Variants in ADH6 observed in about 807,000 individuals in gnomAD.
The protein encoded by ADH6 is alcohol dehydrogenase 6.
Under a neutral mutation model 36.5 loss-of-function variants are expected in ADH6, and 34 were observed. That is an observed-to-expected ratio of 0.93 (90% CI 0.71 to 1.24). The LOEUF (loss-of-function observed/expected upper bound fraction) is 1.24, where lower values mean the gene tolerates loss of function less well. ADH6 is among the 50% of genes most tolerant of loss of function. The pLI is 0.00. For missense variants in ADH6, 440 were observed against 447.0 expected, an observed-to-expected ratio of 0.98 and a Z score of 0.14; for synonymous variants, 161 against 155.5, an observed-to-expected ratio of 1.04 and a Z score of -0.26.
chr4:99,214,944 A>G (rs1468157026), intron 2 of ADH6, among the ~76,000 whole-genome samples: 2 of 152,146 alleles, frequency 1.3e-5, no homozygotes, highest in Non-Finnish European at 2.9e-5. Context: ...TTCTCTGCAG[A>G]TTGGCTTTCT....
chr4:99,207,318 T>G (rs1400351175), intron 7 of ADH6, 128 bp downstream of exon 7: 1 of 1,261,832 alleles, frequency 7.9e-7, no homozygotes, highest in East Asian at 2.3e-5. Flanking sequence ...GGTATTCATA[T>G]GTTGAAAAAA....
chr4:99,218,747 C>T (rs910457890), intron 1 of ADH6, among the ~76,000 whole-genome samples: 26 of 152,238 alleles, frequency 1.7e-4, no homozygotes, highest in Admixed American at 7.2e-4. Context: ...ATTTCCCCTT[C>T]GGTATCACCT....
intron 2 of ADH6, 26 bp downstream of exon 2, chr4:99,216,135 A>ATTTTTTTTTAT (rs1731409290): frequency 1.3e-6 from 1 of 780,234 alleles, no homozygotes; most frequent in Non-Finnish European, 1.7e-6. Context: ...TTTTGGTGTG[A>ATTTTTTTTTAT]TTTTTTTTTT....
Position 99,210,508 on chromosome 4 carries a change from AG to A in ADH6, c.263-7del. On this transcript the variant is annotated splice_region_variant and splice_polypyrimidine_tract_variant and intron_variant, in intron 3 of 8. Coordinates refer to ENST00000394899, the MANE Select transcript of ADH6 (RefSeq NM_001102470.2). ...GAGTGTGATAACTTTGTCACCTAAAAGAGCAAAATCATGTCTTATTAACATA... is the reference window on the plus strand; with the variant it reads ...GAGTGTGATAACTTTGTCACCTAAAAAGCAAAATCATGTCTTATTAACATA... 6.3e-7 allele frequency: 1 copy of A among 1,593,766 alleles called. No individual in the cohort carries two copies. The highest frequency in any genetic ancestry group is 2.2e-5 in the East Asian group (1 of 44,758).
chr4:99,204,931 C>T lies in ADH6; in HGVS notation c.1097G>A (p.Gly366Glu). ...INEAVELMKT[G>E]KCIRCILLL is the part of the protein sequence containing the mutation. ...ATTTATGTGGGCAGTTTACCATTTT[C>T]CAGTTTTCATTAATTCAACTGCTTC... Residue 366 changes from glycine to glutamate, a missense_variant, in exon 8 of 9, where the codon GGA becomes GAA. By Grantham distance (98) the Gly-to-Glu change is moderately conservative (BLOSUM62 -2). Transcript: ENST00000394899. 4 of 1,605,982 alleles carry T rather than the reference C, an allele frequency of 2.5e-6. No individual in the cohort carries two copies. The highest frequency in any genetic ancestry group is 2.5e-6 in the Non-Finnish European group (3 of 1,176,602).
At chr4:99,206,083 T>C (rs1273297970) in intron 7 of ADH6, among the ~76,000 whole-genome samples, 2 of 152,156 alleles carry the variant, frequency 1.3e-5, no homozygotes, top group East Asian at 1.9e-4. Context: ...TTTACATCTA[T>C]GTCAACCCTC....
intron 5 of ADH6, among the ~76,000 whole-genome samples, chr4:99,209,213 G>C (rs2110546847): frequency 6.6e-6 from 1 of 152,160 alleles, no homozygotes; most frequent in Non-Finnish European, 1.5e-5. Flanking sequence ...TGAATATTAA[G>C]ACTTACTTGA....
Position 99,204,065 on chromosome 4 carries a change from G to T in ADH6, c.*154C>A. On this transcript the variant is annotated 3_prime_UTR_variant, in exon 9 of 9. Transcript: ENST00000394899. ...AGAACAATTTTGATGAAATGGTTAG[G>T]TCAGAAGCCAGATATAGGTCCACTG... is the stretch of plus-strand genomic sequence containing the variant. 1 of 866,806 alleles carries T rather than the reference G, an allele frequency of 1.2e-6. No homozygotes were observed. The highest frequency in any genetic ancestry group is 1.7e-6 in the Non-Finnish European group (1 of 593,426). 53.7% of individuals were successfully genotyped at this position (866,806 alleles called of 1,614,324 possible).
At chr4:99,207,117 T>G (rs1459732194) in intron 7 of ADH6, among the ~76,000 whole-genome samples, 2 of 152,164 alleles carry the variant, frequency 1.3e-5, no homozygotes, top group Non-Finnish European at 2.9e-5. Context: ...GAATCCCAGC[T>G]GGCAGGTGTA....
rs28720145 is a variant in ADH6 at position 99,213,274 on chromosome 4, ATTAT to A, written c.262+328_262+331del. Among the ~76,000 whole-genome samples the A allele has an allele frequency of 7.4e-3, 1,123 of 152,186 alleles. 12 individuals carry two copies. The highest frequency in any genetic ancestry group is 0.026 in the African/African-American group (1,076 of 41,530). ...TTATTTGGTTCCACTAATGTGTTTG[ATTAT>A]TTATCATATGCCTCATTTAAATAAT... On this transcript the variant is annotated intron_variant, in intron 3 of 8. Transcript: ENST00000394899.
At chr4:99,217,246 C>T (rs1055141324) in intron 1 of ADH6, among the ~76,000 whole-genome samples, 2 of 152,110 alleles carry the variant, frequency 1.3e-5, no homozygotes, top group East Asian at 1.9e-4. Flanking sequence ...CTGTGTTAGC[C>T]AGGATGTTCT....
rs1355012575 is a variant in ADH6 at position 99,210,485 on chromosome 4, G to A, written c.280C>T (p.Leu94Phe). 1.9e-6 allele frequency: 3 copies of A among 1,611,184 alleles called. No homozygotes were observed. The highest frequency in any genetic ancestry group is 1.3e-5 in the African/African-American group (1 of 74,954). ...CATTCTCCACACTGTGGCAGAAAGA[G>A]TGTGATAACTTTGTCACCTAAAAGA... ...TVKPGDKVIT[L>F]FLPQCGECTS... Residue 94 changes from leucine (L) to phenylalanine (F), a missense_variant, in exon 4 of 9, where the codon CTC becomes TTC. Physicochemically the swap from Leu to Phe is conservative, Grantham distance 22. Coordinates refer to ENST00000394899, the MANE Select transcript of ADH6 (RefSeq NM_001102470.2).
intron 1 of ADH6, 51 bp downstream of exon 1, chr4:99,219,083 CA>C: frequency 6.4e-7 from 1 of 1,573,580 alleles, no homozygotes; most frequent in Non-Finnish European, 8.7e-7. Flanking sequence ...AAGAGATGAG[CA>C]CACAAACTGA....
intron 3 of ADH6, among the ~76,000 whole-genome samples, chr4:99,212,855 G>A (rs111359953): frequency 3.3e-5 from 5 of 151,224 alleles, no homozygotes; most frequent in African/African-American, 1.2e-4. Context: ...GTCATACTGG[G>A]TTTTGACTTT....
chr4:99,204,992 G>A lies in ADH6; in HGVS notation c.1036C>T (p.Leu346=). The A allele has an allele frequency of 1.9e-6, 3 of 1,609,918 alleles. No homozygotes were observed. Among genetic ancestry groups the A allele is most frequent in the Non-Finnish European group, 2.5e-6 (3 of 1,178,084 alleles). ...TCAAGATTCAGAGTATGAGTAATTA[G>A]TGGATCTAGATTCAACTTCTCTGCC... ...YMAEKLNLDP[L]ITHTLNLDKI... The change falls in exon 8 of 9, where the codon CTA becomes TTA. Residue 346 remains leucine, a synonymous_variant. Transcript: ENST00000394899.
In ADH6 at chr4:99,210,087, C is replaced by T; in HGVS notation, c.562G>A (p.Ala188Thr). 6.2e-7 allele frequency: 1 copy of T among 1,613,376 alleles called. No homozygotes were observed. ...STGFGAAINT[A>T]KVTPGSTCAV... is the part of the protein sequence containing the mutation. ...TGGGTATAAATGCCCCTCACCTTGGCAGTATTGATTGCAGCACCAAACCCA... is the reference window on the plus strand; with the variant it reads ...TGGGTATAAATGCCCCTCACCTTGGTAGTATTGATTGCAGCACCAAACCCA... Residue 188 changes from alanine to threonine, a missense_variant, in exon 5 of 9, where the codon GCC becomes ACC. Transcript: ENST00000394899.
At chr4:99,214,909 T>C (rs1389719337) in intron 2 of ADH6, among the ~76,000 whole-genome samples, 2 of 152,202 alleles carry the variant, frequency 1.3e-5, no homozygotes, top group Non-Finnish European at 2.9e-5. Flanking sequence ...TGATTCAATA[T>C]GGGCATAGTT....
chr4:99,212,153 A>ATATATAT, intron 3 of ADH6, among the ~76,000 whole-genome samples: 1 of 152,288 alleles, frequency 6.6e-6, no homozygotes, highest in East Asian at 1.9e-4. Context: ...AAGTTTCTAG[A>ATATATAT]ATTGAAACTG....
chr4:99,203,919 T>C lies in ADH6; in HGVS notation c.*300A>G. The stretch of plus-strand genomic sequence containing the variant: ...TAAAGGTCCACAGGTAGAGGAACTA[T>C]GAAAATGGGAGCATCTTGCATTGAC... On this transcript the variant is annotated 3_prime_UTR_variant, in exon 9 of 9. Coordinates refer to ENST00000394899, the MANE Select transcript of ADH6 (RefSeq NM_001102470.2). 2.9e-6 allele frequency: 1 copy of C among 339,230 alleles called. No individual in the cohort carries two copies. 21.0% of individuals were successfully genotyped at this position (339,230 alleles called of 1,614,324 possible).
Sources: gnomAD v4.1 joint callset for allele counts (sites outside exome capture counted in the v4.1 genomes callset) on GRCh38, gnomAD v4.1.1 for gene constraint, MANE v1.5 for transcripts, NCBI Gene and HGNC (gene_info 2026-07-23, HGNC 2026-07-21) for gene names.